Variants in VDR observed in about 807,000 individuals in gnomAD.
The protein encoded by VDR is vitamin D3 receptor.
In VDR, 19 loss-of-function variants were observed where a neutral mutation model predicts 39.7. The ratio of observed to expected loss-of-function variants is 0.48; its 90% CI spans 0.33 to 0.70. The LOEUF (loss-of-function observed/expected upper bound fraction) is 0.70. Ranked by LOEUF, VDR falls within the 30% of genes least tolerant of loss-of-function variation. VDR has a pLI of 0.02. For missense variants in VDR, 442 were observed against 570.5 expected, an observed-to-expected ratio of 0.77 and a Z score of 2.29; for synonymous variants, 242 against 215.8, an observed-to-expected ratio of 1.12 and a Z score of -1.07.
rs1456357627 is a variant in VDR at position 47,846,317 on chromosome 12, C to T, written c.1024+18G>A. On this transcript the variant is annotated intron_variant, in intron 9 of 9. Transcript: ENST00000549336. ...CCGCTCCCCAGGTCCCTGAGCTCCT[C>T]CCTGCCTGGCCCCATACCTGGGGAG... The T allele has an allele frequency of 2.5e-6, 4 of 1,604,682 alleles. No homozygotes were observed. The highest frequency in any genetic ancestry group is 2.5e-6 in the Non-Finnish European group (3 of 1,176,904).
At chr12:47,882,623 G>GCCCCCCGGCCCCCCCCC in intron 2 of VDR, 71 bp downstream of exon 2, 1 of 543,282 alleles carries the variant, frequency 1.8e-6, no homozygotes, top group Non-Finnish European at 3.2e-6. Context: ...ACCTTCTTAT[G>GCCCCCCGGCCCCCCCCC]CCCCTCCCCC....
At position 47,857,707 on chromosome 12, in the gene VDR, A is replaced by G. The variant is rs1459704767; in HGVS notation, c.278-19T>C. ...AGAATGACTGTGGGGTGGGAAGGGG[A>G]GTCAGGAGGGCTGGCCAGCAGCTCC... On this transcript the variant is annotated intron_variant, in intron 4 of 9. Coordinates refer to ENST00000549336, the MANE Select transcript of VDR (RefSeq NM_000376.3). The G allele has an allele frequency of 6.2e-7, 1 of 1,609,996 alleles. No homozygotes were observed. The highest frequency in any genetic ancestry group is 1.7e-5 in the Admixed American group (1 of 59,936).
chr12:47,857,819 G>T, intron 4 of VDR, 131 bp from the exon 5 acceptor site: 1 of 965,850 alleles, frequency 1.0e-6, no homozygotes, highest in Non-Finnish European at 1.5e-6. Flanking sequence ...GGGTCCTCCT[G>T]CCACGGAGAC....
At chr12:47,893,058 G>A (rs906661096) in intron 1 of VDR, among the ~76,000 whole-genome samples, 5 of 152,190 alleles carry the variant, frequency 3.3e-5, no homozygotes, top group South Asian at 2.1e-4. Context: ...AGGAAGAGAC[G>A]TAATAACTGG....
intron 6 of VDR, 127 bp downstream of exon 6, chr12:47,857,002 G>T: frequency 7.0e-7 from 1 of 1,438,670 alleles, no homozygotes; most frequent in Non-Finnish European, 9.6e-7. Flanking sequence ...GCTGCATAGC[G>T]CACAGTATTT....
At chr12:47,863,102 C>A (rs963642397) in intron 4 of VDR, among the ~76,000 whole-genome samples, 1 of 152,128 alleles carries the variant, frequency 6.6e-6, no homozygotes, top group African/African-American at 2.4e-5. Context: ...GTTCCCACCA[C>A]GTGGTAGGGT....
At chr12:47,846,570 T>C (rs1005888529) in intron 8 of VDR, 87 bp downstream of exon 8, 2 of 1,588,562 alleles carry the variant, frequency 1.3e-6, no homozygotes, top group Non-Finnish European at 1.7e-6. Context: ...CCCTCCCATG[T>C]ATCTGATTGG....
intron 1 of VDR, among the ~76,000 whole-genome samples, chr12:47,903,183 G>A (rs1054252601): frequency 6.6e-6 from 1 of 152,086 alleles, no homozygotes; most frequent in African/African-American, 2.4e-5. Context: ...CCCTCCTTTA[G>A]CTTGGTAAGG....
chr12:47,851,530 C>A (rs1390314840), intron 7 of VDR, among the ~76,000 whole-genome samples: 1 of 152,214 alleles, frequency 6.6e-6, no homozygotes, highest in Non-Finnish European at 1.5e-5. Flanking sequence ...CCGCCCCTGC[C>A]TGCAGGCAGC....
intron 1 of VDR, among the ~76,000 whole-genome samples, chr12:47,891,429 C>T (rs780872705): frequency 6.6e-6 from 1 of 152,188 alleles, no homozygotes; most frequent in Non-Finnish European, 1.5e-5. Flanking sequence ...GAACTTCAGG[C>T]CCGAGAGAGG....
At chr12:47,875,196 G>A (rs765784928) in intron 3 of VDR, among the ~76,000 whole-genome samples, 7 of 152,298 alleles carry the variant, frequency 4.6e-5, no homozygotes, top group Non-Finnish European at 8.8e-5. Context: ...TCTTAGACTC[G>A]TTTTGATGAT....
At chr12:47,874,503 T>C (rs150094015) in intron 3 of VDR, among the ~76,000 whole-genome samples, 59 of 152,328 alleles carry the variant, frequency 3.9e-4, no homozygotes, top group African/African-American at 1.3e-3. Flanking sequence ...CTCGCCAGCC[T>C]ACCTTTTGCC....
At chr12:47,889,889 A>T (rs535849015) in intron 1 of VDR, among the ~76,000 whole-genome samples, 1 of 152,334 alleles carries the variant, frequency 6.6e-6, no homozygotes, top group South Asian at 2.1e-4. Context: ...CCCAGCTTCC[A>T]GTGTGCCTGT....
At chr12:47,865,263 C>A in intron 3 of VDR, 86 bp from the exon 4 acceptor site, 1 of 1,586,290 alleles carries the variant, frequency 6.3e-7, no homozygotes. Context: ...TTCTGGGCCC[C>A]CTGGTCTCCA....
intron 2 of VDR, 70 bp downstream of exon 2, chr12:47,882,624 C>CCCCCGGG: frequency 2.4e-6 from 1 of 422,404 alleles, no homozygotes; most frequent in Admixed American, 4.0e-5. Flanking sequence ...CCTTCTTATG[C>CCCCCGGG]CCCTCCCCCC....
chr12:47,888,608 C>T (rs1318389178), intron 1 of VDR, among the ~76,000 whole-genome samples: 2 of 152,214 alleles, frequency 1.3e-5, no homozygotes, highest in Non-Finnish European at 2.9e-5. Context: ...AGGTAACAGG[C>T]AGGCTATGCC....
intron 2 of VDR, among the ~76,000 whole-genome samples, chr12:47,881,935 G>C (rs1284026897): frequency 6.6e-6 from 1 of 152,178 alleles, no homozygotes; most frequent in East Asian, 1.9e-4. Context: ...TCGTGGTGTT[G>C]CTACAGAGTC....
At chr12:47,866,570 C>T (rs1206203370) in intron 3 of VDR, among the ~76,000 whole-genome samples, 4 of 152,234 alleles carry the variant, frequency 2.6e-5, no homozygotes, top group African/African-American at 7.2e-5. Flanking sequence ...GAAGAAAAGG[C>T]CCAAACCATA....
At chr12:47,897,551 C>T (rs1410399942) in intron 1 of VDR, among the ~76,000 whole-genome samples, 1 of 152,212 alleles carries the variant, frequency 6.6e-6, no homozygotes, top group African/African-American at 2.4e-5. Flanking sequence ...AGCCACATTC[C>T]TTTGTCCCAT....
Sources: allele counts gnomAD v4.1 joint callset (sites outside exome capture counted in the v4.1 genomes callset), GRCh38; gene constraint gnomAD v4.1.1; transcripts MANE v1.5; gene names NCBI Gene and HGNC (gene_info 2026-07-23, HGNC 2026-07-21).